ABHD17B: variants seen among roughly 807,000 people sequenced by gnomAD.
ABHD17B encodes alpha/beta hydrolase domain-containing protein 17B.
ABHD17B carries 9 observed loss-of-function variants against 26.2 expected under a neutral mutation model. That is an observed-to-expected ratio of 0.34 (90% CI 0.21 to 0.60). The LOEUF (loss-of-function observed/expected upper bound fraction) is 0.60, where lower values mean the gene tolerates loss of function less well. Among genes scored for constraint, ABHD17B ranks in the 20% least tolerant of loss-of-function variants. The pLI is 0.80. For missense variants in ABHD17B, 224 were observed against 352.1 expected, an observed-to-expected ratio of 0.64 and a Z score of 2.91; for synonymous variants, 127 against 122.3, an observed-to-expected ratio of 1.04 and a Z score of -0.25.
intron 2 of ABHD17B, among the ~76,000 whole-genome samples, chr9:71,873,824 C>T (rs955852395): frequency 6.6e-6 from 1 of 152,178 alleles, no homozygotes; most frequent in Admixed American, 6.5e-5. Flanking sequence ...TGAGCCACCG[C>T]ACCCAGCCTA....
At chr9:71,901,672 A>G (rs771837152) in intron 1 of ABHD17B, among the ~76,000 whole-genome samples, 10 of 152,026 alleles carry the variant, frequency 6.6e-5, no homozygotes, top group African/African-American at 9.7e-5. Context: ...AGACTCTGAA[A>G]TATCTCCACC....
intron 1 of ABHD17B, among the ~76,000 whole-genome samples, chr9:71,894,087 C>CAAAAAAAAA (rs1180729763): frequency 1.3e-4 from 7 of 52,322 alleles, no homozygotes; most frequent in African/African-American, 5.2e-4. Flanking sequence ...GACTCTATCT[C>CAAAAAAAAA]AAAAAAAAAA....
At chr9:71,900,799 C>A (rs1827114280) in intron 1 of ABHD17B, among the ~76,000 whole-genome samples, 1 of 152,030 alleles carries the variant, frequency 6.6e-6, no homozygotes, top group Admixed American at 6.6e-5. Flanking sequence ...CACCATCTTT[C>A]AGTATCTTGA....
intron 1 of ABHD17B, among the ~76,000 whole-genome samples, chr9:71,895,620 A>G (rs1826930475): frequency 6.6e-6 from 1 of 152,232 alleles, no homozygotes; most frequent in African/African-American, 2.4e-5. Context: ...CAAGCTGTTC[A>G]GCCTCTGAAA....
At position 71,874,739 on chromosome 9, in the gene ABHD17B, T is replaced by C. The variant is rs554871393; in HGVS notation, c.342A>G (p.Leu114=). 1.9e-6 allele frequency: 3 copies of C among 1,614,216 alleles called. No homozygotes were observed. Among genetic ancestry groups the C allele is most frequent in the African/African-American group, 2.7e-5 (2 of 75,060 alleles). The change falls in exon 2 of 4, where the codon CTA becomes CTG. Residue 114 remains leucine (L), a synonymous_variant. Transcript: ENST00000333421. ...LGQMSSFYIG[L]GSRINCNIFS... is the part of the protein sequence containing the mutation. ...ATATATTACAATTAATCCGTGATCC[T>C]AGTCCTATGTAAAAGCTGCTCATTT...
intron 1 of ABHD17B, among the ~76,000 whole-genome samples, chr9:71,906,908 C>T (rs1263745707): frequency 3.9e-5 from 6 of 151,938 alleles, no homozygotes; most frequent in East Asian, 1.9e-4. Flanking sequence ...TGTTGCTGGT[C>T]GACCATTACA....
chr9:71,877,820 G>A (rs1042531399), intron 1 of ABHD17B, among the ~76,000 whole-genome samples: 8 of 152,182 alleles, frequency 5.3e-5, no homozygotes, highest in African/African-American at 1.9e-4. Context: ...CACCAAAGGA[G>A]AGAAGCAGAA....
intron 3 of ABHD17B, among the ~76,000 whole-genome samples, chr9:71,868,088 G>A (rs186325948): frequency 2.9e-4 from 44 of 151,364 alleles, no homozygotes; most frequent in Admixed American, 2.2e-3. Context: ...GCATGATGGC[G>A]CATGCCTGTA....
chr9:71,896,369 C>T (rs2132191189), intron 1 of ABHD17B, among the ~76,000 whole-genome samples: 1 of 152,148 alleles, frequency 6.6e-6, no homozygotes, highest in Middle Eastern at 3.4e-3. Context: ...TTATCCCTGC[C>T]CTGAAAATAT....
rs200191910 is a variant in ABHD17B, at chr9:71,866,841, T to A, written c.813A>T (p.Gly271=). The change falls in exon 4 of 4, where the codon GGA becomes GGT. Residue 271 remains glycine (G), a synonymous_variant. Coordinates refer to ENST00000333421, the MANE Select transcript of ABHD17B (RefSeq NM_001025780.3). ...ACTGTTTCAACCTTTCAAGATACTG[T>A]CCATAAAGTTCCACATCATTGTGAC... ...GAGHNDVELY[G]QYLERLKQFV... 3 of 1,614,186 alleles carry A rather than the reference T, an allele frequency of 1.9e-6. No homozygotes were observed. The highest frequency in any genetic ancestry group is 2.5e-6 in the Non-Finnish European group (3 of 1,180,032).
At chr9:71,887,486 A>T (rs1382656140) in intron 1 of ABHD17B, among the ~76,000 whole-genome samples, 3 of 152,194 alleles carry the variant, frequency 2.0e-5, no homozygotes, top group African/African-American at 7.2e-5. Flanking sequence ...ACTGCTAGAC[A>T]CTGCACTAGC....
intron 1 of ABHD17B, among the ~76,000 whole-genome samples, chr9:71,880,069 TG>T (rs1372711543): frequency 1.3e-5 from 2 of 152,186 alleles, no homozygotes; most frequent in East Asian, 3.8e-4. Context: ...AAGAATATCA[TG>T]TGTCAATAAA....
At chr9:71,900,313 C>T (rs1033702983) in intron 1 of ABHD17B, among the ~76,000 whole-genome samples, 22 of 152,166 alleles carry the variant, frequency 1.4e-4, no homozygotes, top group Admixed American at 1.3e-3. Flanking sequence ...CTTTTCTAGA[C>T]GGCCTACAAG....
chr9:71,878,137 A>G, intron 1 of ABHD17B, among the ~76,000 whole-genome samples: 1 of 138,062 alleles, frequency 7.2e-6, no homozygotes, highest in East Asian at 2.0e-4. Context: ...TTTATTCTGT[A>G]AAAAAAAAAA....
intron 1 of ABHD17B, among the ~76,000 whole-genome samples, chr9:71,889,507 T>C (rs1826716200): frequency 6.6e-6 from 1 of 152,090 alleles, no homozygotes; most frequent in Non-Finnish European, 1.5e-5. Context: ...GAAAGACATA[T>C]CTTAAAAGAG....
chr9:71,901,579 C>G lies in ABHD17B; in HGVS notation c.-4+9055G>C, dbSNP rs369281094. On this transcript the variant is annotated intron_variant, in intron 1 of 3. Transcript: ENST00000333421. The stretch of plus-strand genomic sequence containing the variant: ...CTTTTTATCGCACCTAAACCTAATG[C>G]TTTAACTACCCTTTATACTACAATG... 1.1e-3 allele frequency among the ~76,000 whole-genome samples: 169 copies of G among 152,150 alleles called. 2 individuals are homozygous for G. Among genetic ancestry groups the G allele is most frequent in the African/African-American group, 4.0e-3 (164 of 41,500 alleles).
chr9:71,869,891 T>A (rs964304608), intron 3 of ABHD17B, among the ~76,000 whole-genome samples, 192 bp downstream of exon 3: 3 of 152,178 alleles, frequency 2.0e-5, no homozygotes, highest in Non-Finnish European at 4.4e-5. Flanking sequence ...GGATTACTAC[T>A]CCTCAAACAT....
intron 1 of ABHD17B, among the ~76,000 whole-genome samples, chr9:71,901,503 C>T (rs1827140644): frequency 6.6e-6 from 1 of 152,164 alleles, no homozygotes; most frequent in Non-Finnish European, 1.5e-5. Context: ...TTTCTTCAAA[C>T]TCTTTTTTAA....
At chr9:71,902,826 T>C (rs1412546068) in intron 1 of ABHD17B, among the ~76,000 whole-genome samples, 1 of 152,196 alleles carries the variant, frequency 6.6e-6, no homozygotes, top group Non-Finnish European at 1.5e-5. Context: ...AAGTTTATTA[T>C]ACGAATTATT....
Sources: allele counts gnomAD v4.1 joint callset (sites outside exome capture counted in the v4.1 genomes callset), GRCh38; gene constraint gnomAD v4.1.1; transcripts MANE v1.5; gene names NCBI Gene and HGNC (gene_info 2026-07-23, HGNC 2026-07-21).